Variants in SH3BGR observed in about 807,000 individuals in gnomAD.
The protein encoded by SH3BGR is SH3 domain binding glutamate rich protein, also known as SH3 domain-binding glutamic acid-rich protein.
Under a neutral mutation model 24.5 loss-of-function variants are expected in SH3BGR, and 29 were observed. That is an observed-to-expected ratio of 1.18 (90% CI 0.88 to 1.61). The LOEUF (loss-of-function observed/expected upper bound fraction) is 1.61. SH3BGR is among the 40% of genes most tolerant of loss of function. The pLI, the probability that SH3BGR is intolerant of heterozygous loss-of-function variation, is 0.00. For synonymous variants in SH3BGR, 55 were observed against 65.7 expected (o/e 0.84, Z 0.79); for missense variants, 162 against 205.8 (o/e 0.79, Z 1.30).
At chr21:39,479,185 C>G (rs2078076791) in intron 3 of SH3BGR, among the ~76,000 whole-genome samples, 1 of 149,848 alleles carries the variant, frequency 6.7e-6, no homozygotes, top group African/African-American at 2.5e-5. Context: ...GTCTTGGCAA[C>G]ATAACGAGGC....
At chr21:39,508,024 T>C (rs543091030) in intron 4 of SH3BGR, among the ~76,000 whole-genome samples, 3 of 152,326 alleles carry the variant, frequency 2.0e-5, no homozygotes, top group African/African-American at 7.2e-5. Context: ...TGAGTCCTGA[T>C]TGTGTTGACT....
At chr21:39,452,273 C>A in intron 1 of SH3BGR, 132 bp downstream of exon 1, 1 of 1,013,526 alleles carries the variant, frequency 9.9e-7, no homozygotes. Flanking sequence ...GTATGTGCGC[C>A]CTTTGCTTTC....
intron 4 of SH3BGR, among the ~76,000 whole-genome samples, chr21:39,505,665 T>G (rs374588409): frequency 9.7e-4 from 147 of 152,218 alleles, no homozygotes; most frequent in African/African-American, 3.5e-3. Context: ...CTTGGGAGCC[T>G]GAGGCAGGAG....
chr21:39,481,210 A>G (rs991088580), intron 3 of SH3BGR, among the ~76,000 whole-genome samples: 2 of 152,230 alleles, frequency 1.3e-5, no homozygotes, highest in African/African-American at 4.8e-5. Flanking sequence ...CGTGCCTGTA[A>G]TCCTAGCACT....
rs1343463844 is a variant in SH3BGR, at chr21:39,479,256, GTGA to G, written c.312+4044_312+4046del. 3.7e-3 allele frequency among the ~76,000 whole-genome samples: 554 copies of G among 147,844 alleles called. 8 individuals carry two copies. Among genetic ancestry groups the G allele is most frequent in the African/African-American group, 0.013 (517 of 38,838 alleles). ...GGTGGTGGTGGTGGTGGTGGTGGTG[GTGA>G]TGGTAGTGCTGGTGGTGATAGTGAT... is the stretch of plus-strand genomic sequence containing the variant. On this transcript the variant is annotated intron_variant, in intron 3 of 6. Coordinates refer to ENST00000333634, the MANE Select transcript of SH3BGR (RefSeq NM_007341.3).
chr21:39,502,984 T>A (rs1680208502), intron 4 of SH3BGR, among the ~76,000 whole-genome samples: 1 of 106,088 alleles, frequency 9.4e-6, no homozygotes, highest in Admixed American at 1.1e-4. Flanking sequence ...AATTCCAAGC[T>A]CTTTTTTTTT....
At chr21:39,494,310 T>A (rs2078357119) in intron 3 of SH3BGR, among the ~76,000 whole-genome samples, 1 of 151,904 alleles carries the variant, frequency 6.6e-6, no homozygotes, top group Non-Finnish European at 1.5e-5. Flanking sequence ...AAATTTCTGA[T>A]GCCTTATGAA....
chr21:39,446,203 CAA>C (rs140499515), intron 1 of SH3BGR: 4 of 147,700 alleles, frequency 2.7e-5, no homozygotes, highest in Non-Finnish European at 6.0e-5. Flanking sequence ...AATCTGATGA[CAA>C]AACAATGCAT....
intron 1 of SH3BGR, among the ~76,000 whole-genome samples, chr21:39,462,016 T>C (rs2077763277): frequency 6.6e-6 from 1 of 151,980 alleles, no homozygotes; most frequent in South Asian, 2.1e-4. Context: ...GCTTGGCTAA[T>C]TTTTGTATTT....
chr21:39,480,394 C>G (rs1382461314), intron 3 of SH3BGR, among the ~76,000 whole-genome samples: 1 of 152,218 alleles, frequency 6.6e-6, no homozygotes. Flanking sequence ...TGCTTTCGTT[C>G]TCTGCAGGCT....
At chr21:39,492,237 C>T (rs1340267582) in intron 3 of SH3BGR, among the ~76,000 whole-genome samples, 1 of 152,088 alleles carries the variant, frequency 6.6e-6, no homozygotes, top group Non-Finnish European at 1.5e-5. Flanking sequence ...CCCCTTCCCA[C>T]CCTTTCCCCC....
chr21:39,513,255 A>G (rs79638666), intron 6 of SH3BGR, among the ~76,000 whole-genome samples: 13,044 of 152,224 alleles, frequency 0.086, 816 homozygotes, highest in African/African-American at 0.17. Flanking sequence ...CATGTTCCCC[A>G]GGCAGGTCTC....
intron 1 of SH3BGR, among the ~76,000 whole-genome samples, chr21:39,461,345 C>T (rs1022352417): frequency 6.6e-6 from 1 of 152,078 alleles, no homozygotes; most frequent in Non-Finnish European, 1.5e-5. Flanking sequence ...CCATGTTGGT[C>T]AGGCTGGTCT....
intron 2 of SH3BGR, among the ~76,000 whole-genome samples, chr21:39,467,311 ACTG>A (rs1370550909): frequency 6.6e-6 from 1 of 152,128 alleles, no homozygotes; most frequent in Non-Finnish European, 1.5e-5. Flanking sequence ...CCAAATAATG[ACTG>A]CTATTTTTAA....
intron 2 of SH3BGR, among the ~76,000 whole-genome samples, chr21:39,465,754 C>G (rs917950063): frequency 9.2e-5 from 14 of 151,968 alleles, no homozygotes; most frequent in African/African-American, 3.4e-4. Flanking sequence ...CCACACCTCG[C>G]TAATGTTTTT....
intron 4 of SH3BGR, among the ~76,000 whole-genome samples, chr21:39,507,801 A>G (rs1453089148): frequency 6.6e-6 from 1 of 152,004 alleles, no homozygotes; most frequent in Non-Finnish European, 1.5e-5. Flanking sequence ...CATGTTTCAT[A>G]GAGATGGGGG....
Position 39,490,411 on chromosome 21 carries a change from G to A in SH3BGR, c.313-9412G>A, listed in dbSNP as rs147964410. ...GATCCGTTTGGATTTTTGCACAGCT[G>A]TTCTGCAGTTGAGAATATCTCCGAC... is the stretch of plus-strand genomic sequence containing the variant. On this transcript the variant is annotated intron_variant, in intron 3 of 6. Coordinates refer to ENST00000333634, the MANE Select transcript of SH3BGR (RefSeq NM_007341.3). Among the ~76,000 whole-genome samples, 306 of 152,310 alleles carry A rather than the reference G, an allele frequency of 2.0e-3. 1 individual carries two copies. Among genetic ancestry groups the A allele is most frequent in the Middle Eastern group, 3.4e-3 (1 of 294 alleles).
At chr21:39,476,326 A>G (rs1162878049) in intron 3 of SH3BGR, among the ~76,000 whole-genome samples, 1 of 152,116 alleles carries the variant, frequency 6.6e-6, no homozygotes, top group Non-Finnish European at 1.5e-5. Flanking sequence ...CATAAAAGTG[A>G]CCACTGGCTT....
At chr21:39,463,503 A>G (rs1372495885) in intron 2 of SH3BGR, among the ~76,000 whole-genome samples, 3 of 152,218 alleles carry the variant, frequency 2.0e-5, no homozygotes. Flanking sequence ...AGCTGTGTGA[A>G]GTAGAGGGAA....
Sources: allele counts gnomAD v4.1 joint callset (sites outside exome capture counted in the v4.1 genomes callset), GRCh38; gene constraint gnomAD v4.1.1; transcripts MANE v1.5; gene names NCBI Gene and HGNC (gene_info 2026-07-23, HGNC 2026-07-21).